Variants in TRIML1 observed in about 807,000 individuals in gnomAD.
TRIML1 encodes tripartite motif family like 1.
TRIML1 carries 34 observed loss-of-function variants against 32.3 expected under a neutral mutation model. The observed-to-expected ratio is 1.05, with a 90% CI of 0.80 to 1.40. The LOEUF is 1.40. TRIML1 is among the 40% of genes most tolerant of loss of function. TRIML1 has a pLI of 0.00. For missense variants in TRIML1, 595 were observed against 574.9 expected (o/e 1.03, Z -0.36); for synonymous variants, 244 against 226.6 (o/e 1.08, Z -0.69).
intron 2 of TRIML1, among the ~76,000 whole-genome samples, chr4:188,141,805 A>T (rs74611039): frequency 0.13 from 19,940 of 152,054 alleles, 1,750 homozygotes; most frequent in Middle Eastern, 0.24. Flanking sequence ...GATTTCAGGA[A>T]TTGTTGCCAT....
chr4:188,144,419 G>A (rs1466673649), intron 5 of TRIML1, among the ~76,000 whole-genome samples: 2 of 150,140 alleles, frequency 1.3e-5, no homozygotes, highest in African/African-American at 4.9e-5. Flanking sequence ...CTGGAGCGCA[G>A]GGGCGCGATC....
At position 188,147,079 on chromosome 4, in the gene TRIML1, C is replaced by T. The variant is rs368672196; in HGVS notation, c.1114C>T (p.Pro372Ser). 1 of 1,613,918 alleles carries T rather than the reference C, an allele frequency of 6.2e-7. No homozygotes were observed. The highest frequency in any genetic ancestry group is 8.5e-7 in the Non-Finnish European group (1 of 1,179,982). ...VSRKGNLPKP[P>S]GDLFSLIGLK... ...CAGAAAGGGGAATCTCCCCAAGCCA[C>T]CTGGGGACCTGTTCTCACTAATAGG... is the stretch of plus-strand genomic sequence containing the variant. Residue 372 changes from proline (P) to serine (S), a missense_variant, in exon 6 of 6, where the codon CCT becomes TCT. Transcript: ENST00000332517.
intron 2 of TRIML1, 137 bp downstream of exon 2, chr4:188,140,760 G>C: frequency 1.5e-6 from 1 of 651,290 alleles, no homozygotes; most frequent in Non-Finnish European, 2.7e-6. Context: ...TCCTTGCATT[G>C]GGCTGCCTTC....
chr4:188,141,663 C>T (rs1734857504), intron 2 of TRIML1, among the ~76,000 whole-genome samples: 2 of 151,990 alleles, frequency 1.3e-5, no homozygotes. Context: ...TTTTGGTTTT[C>T]TCCACTAGAA....
At chr4:188,141,684 C>T (rs1336944717) in intron 2 of TRIML1, among the ~76,000 whole-genome samples, 1 of 152,130 alleles carries the variant, frequency 6.6e-6, no homozygotes, top group Non-Finnish European at 1.5e-5. Flanking sequence ...CGACCGCCTC[C>T]TGGGAATGGA....
upstream of TRIML1, among the ~76,000 whole-genome samples, chr4:188,138,044 C>G (rs894770171): frequency 6.6e-6 from 1 of 151,714 alleles, no homozygotes; most frequent in East Asian, 1.9e-4. Flanking sequence ...TGCCACCTCT[C>G]TTCCTCTTTA....
intron 5 of TRIML1, 108 bp from the exon 6 acceptor site, chr4:188,146,714 A>C: frequency 1.1e-6 from 1 of 932,608 alleles, no homozygotes; most frequent in Admixed American, 3.1e-5. Flanking sequence ...GCCCCAAATT[A>C]CATTTAAAAA....
At chr4:188,138,871 A>G (rs140302030), upstream of TRIML1, among the ~76,000 whole-genome samples, 33 of 152,230 alleles carry the variant, frequency 2.2e-4, no homozygotes, top group African/African-American at 7.2e-4. Flanking sequence ...ATCAATAAAC[A>G]GCTCTGGCAA....
At chr4:188,150,195 G>C (rs183129505), downstream of TRIML1, among the ~76,000 whole-genome samples, 3 of 150,726 alleles carry the variant, frequency 2.0e-5, no homozygotes, top group African/African-American at 4.9e-5. Context: ...GCATGATCTC[G>C]GCTCACTGCA....
upstream of TRIML1, chr4:188,139,428 A>G (rs1734760096): frequency 1.2e-6 from 1 of 868,692 alleles, no homozygotes; most frequent in African/African-American, 1.7e-5. Flanking sequence ...CACAGAAGAG[A>G]TAAGGGTTTC....
At chr4:188,138,346 G>A (rs1734725646), upstream of TRIML1, among the ~76,000 whole-genome samples, 1 of 152,142 alleles carries the variant, frequency 6.6e-6, no homozygotes. Context: ...AACAGCCTGA[G>A]TAATGGACCC....
downstream of TRIML1, among the ~76,000 whole-genome samples, chr4:188,149,959 A>T (rs528882660): frequency 6.6e-6 from 1 of 150,520 alleles, no homozygotes; most frequent in Non-Finnish European, 1.5e-5. Flanking sequence ...CTCGCGCACC[A>T]CCATGCCCAG....
At chr4:188,145,606 C>T (rs1305545606) in intron 5 of TRIML1, among the ~76,000 whole-genome samples, 8 of 151,082 alleles carry the variant, frequency 5.3e-5, no homozygotes, top group East Asian at 2.0e-4. Context: ...GTGGATCACC[C>T]GAGGTCGGGA....
chr4:188,148,074 AC>A (rs1240191853), downstream of TRIML1, among the ~76,000 whole-genome samples: 1 of 152,224 alleles, frequency 6.6e-6, no homozygotes, highest in Admixed American at 6.5e-5. Context: ...ATGTATCATG[AC>A]ACGGGATGCC....
intron 5 of TRIML1, among the ~76,000 whole-genome samples, chr4:188,144,745 GGC>G (rs1405614106): frequency 1.3e-5 from 2 of 152,088 alleles, no homozygotes; most frequent in African/African-American, 4.8e-5. Context: ...CTCATGCAGG[GGC>G]GTCTACATTT....
In TRIML1 at chr4:188,143,995, G is replaced by A. The variant is rs753222338; in HGVS notation, c.759-41G>A. 3.3e-5 allele frequency: 53 copies of A among 1,609,712 alleles called. No individual in the cohort carries two copies. The South Asian group carries it at 5.5e-4, about 17-fold the overall frequency. On this transcript the variant is annotated intron_variant, in intron 4 of 5. Transcript: ENST00000332517. ...GGACTCTCCAGCTGGAGCAGGTCAC[G>A]CGGTCTGTGCCGAGGAGTGAACCTC...
chr4:188,144,933 G>A (rs899410472), intron 5 of TRIML1, among the ~76,000 whole-genome samples: 1 of 152,136 alleles, frequency 6.6e-6, no homozygotes, highest in Non-Finnish European at 1.5e-5. Context: ...CAGAGGAAGA[G>A]GCCTAATGAG....
chr4:188,144,309 A>G (rs1387387944), intron 5 of TRIML1, among the ~76,000 whole-genome samples, 176 bp downstream of exon 5: 2 of 151,440 alleles, frequency 1.3e-5, no homozygotes, highest in African/African-American at 4.8e-5. Flanking sequence ...GAGCAGAGAG[A>G]AGCAGTGAGA....
rs779122084 is a variant in TRIML1 at position 188,142,460 on chromosome 4, G to T, written c.713G>T (p.Ser238Ile). The T allele has an allele frequency of 1.2e-6, 2 of 1,613,794 alleles. No homozygotes were observed. The highest frequency in any genetic ancestry group is 2.2e-5 in the East Asian group (1 of 44,862). ...MIAQIESSSQ[S>I]SAFESLEEVR... ...GCACAGATTGAGTCCTCAAGTCAAA[G>T]CTCGGCTTTCGAATCTCTTGAGGTG... The change falls in exon 3 of 6, where the codon AGC (serine) becomes ATC (isoleucine). Residue 238 changes from serine (S) to isoleucine (I), a missense_variant. Transcript: ENST00000332517.
Sources: gnomAD v4.1 joint callset for allele counts (sites outside exome capture counted in the v4.1 genomes callset) on GRCh38, gnomAD v4.1.1 for gene constraint, MANE v1.5 for transcripts, NCBI Gene and HGNC (gene_info 2026-07-23, HGNC 2026-07-21) for gene names.